The following NPHP4 variants were observed in gnomAD, a reference collection of about 807,000 sequenced individuals.
The protein encoded by NPHP4 is nephrocystin-4.
In NPHP4, 151 loss-of-function variants were observed where a neutral mutation model predicts 155.8. That is an observed-to-expected ratio of 0.97 (90% CI 0.85 to 1.11). NPHP4 has a LOEUF of 1.11. Among genes scored for constraint, NPHP4 ranks in the 50% least tolerant of loss-of-function variants. NPHP4 has a pLI of 0.00. For synonymous variants in NPHP4, 845 were observed against 816.8 expected (o/e 1.03, Z -0.59); for missense variants, 1,956 against 1,925.7 (o/e 1.02, Z -0.29).
At chr1:5,888,605 A>G (rs1171461575) in intron 17 of NPHP4, 3 of 1,350,682 alleles carry the variant, frequency 2.2e-6, no homozygotes, top group Non-Finnish European at 2.9e-6. Flanking sequence ...AGATATGAGA[A>G]GTCTCCTTTA....
chr1:5,941,888 C>T (rs188898579), intron 9 of NPHP4, among the ~76,000 whole-genome samples: 294 of 152,304 alleles, frequency 1.9e-3, no homozygotes, highest in Non-Finnish European at 3.1e-3. Context: ...GCCATGCCAG[C>T]TGCAGGTCTG....
intron 2 of NPHP4, among the ~76,000 whole-genome samples, chr1:5,981,179 C>T (rs1654626827): frequency 6.6e-6 from 1 of 152,196 alleles, no homozygotes; most frequent in Non-Finnish European, 1.5e-5. Flanking sequence ...TCCTCTCCTG[C>T]ACTCTCAGGA....
Position 5,927,746 on chromosome 1 carries a change from C to A in NPHP4, c.1344G>T (p.Ser448=). ...VESGTLRFQF[S]LGSEEHLDAP... ...CATCCAGGTGTTCTTCTGAGCCCAG[C>A]GAGAACTGGAACCGGAGTGTACCCG... Residue 448 remains serine (S), a synonymous_variant, in exon 11 of 30, where the codon TCG becomes TCT. Coordinates refer to ENST00000378156, the MANE Select transcript of NPHP4 (RefSeq NM_015102.5). 1.2e-6 allele frequency: 2 copies of A among 1,613,326 alleles called. No homozygotes were observed. The highest frequency in any genetic ancestry group is 1.7e-6 in the Non-Finnish European group (2 of 1,179,434).
chr1:5,947,795 G>C (rs1209626982), intron 8 of NPHP4, among the ~76,000 whole-genome samples: 1 of 152,140 alleles, frequency 6.6e-6, no homozygotes, highest in African/African-American at 2.4e-5. Context: ...AAGGCAGCAT[G>C]CAAGGCCTCC....
Position 5,863,631 on chromosome 1 carries a change from C to T in NPHP4, c.4141-226G>A, listed in dbSNP as rs1395427365. 2.7e-5 allele frequency: 17 copies of T among 622,072 alleles called. No homozygotes were observed. The Admixed American group carries it at 3.7e-4, about 13-fold the overall frequency. The allele number at this position is 622,072 out of a possible 1,614,324, so 38.5% of individuals were successfully genotyped here. ...TTGGACTCGAAGGCACACTTATTTCCGAGACTGAGCTGTCTAACATTACCA... is the reference window on the plus strand; with the variant it reads ...TTGGACTCGAAGGCACACTTATTTCTGAGACTGAGCTGTCTAACATTACCA... On this transcript the variant is annotated intron_variant, in intron 29 of 29. Coordinates refer to ENST00000378156, the MANE Select transcript of NPHP4 (RefSeq NM_015102.5).
rs1448672015 is a variant in NPHP4 at position 5,892,012 on chromosome 1, C to T, written c.2144-984G>A. On this transcript the variant is annotated intron_variant, in intron 16 of 29. Transcript: ENST00000378156. The surrounding 1 kb of genome is among the most constrained non-coding windows in gnomAD (Gnocchi z 4.5). ...GCAAGGACCCACTGCTCAGGCCCGG[C>T]GCTGGCCACAGCAGGAGCTCACGGG... is the stretch of plus-strand genomic sequence containing the variant. 1.3e-5 allele frequency among the ~76,000 whole-genome samples: 2 copies of T among 152,240 alleles called. No homozygotes were observed. Among genetic ancestry groups the T allele is most frequent in the Non-Finnish European group, 2.9e-5 (2 of 68,050 alleles).
intron 3 of NPHP4, among the ~76,000 whole-genome samples, chr1:5,974,901 A>G (rs1264601709): frequency 6.6e-6 from 1 of 152,174 alleles, no homozygotes; most frequent in Non-Finnish European, 1.5e-5. Context: ...GTCCCCTGCT[A>G]CCGGCAGCTC....
intron 11 of NPHP4, among the ~76,000 whole-genome samples, chr1:5,925,436 CAT>C (rs944144878): frequency 6.6e-6 from 1 of 152,160 alleles, no homozygotes; most frequent in African/African-American, 2.4e-5. Flanking sequence ...TAACTCTAAT[CAT>C]GTTTGTATTT....
At chr1:5,960,247 C>A (rs564697421) in intron 6 of NPHP4, among the ~76,000 whole-genome samples, 1 of 152,322 alleles carries the variant, frequency 6.6e-6, no homozygotes, top group African/African-American at 2.4e-5. Context: ...CCCACGCTTG[C>A]TCTTGTTCAG....
At chr1:5,922,090 C>A (rs1056146563) in intron 11 of NPHP4, among the ~76,000 whole-genome samples, 1 of 152,214 alleles carries the variant, frequency 6.6e-6, no homozygotes, top group Non-Finnish European at 1.5e-5. Flanking sequence ...GGCAGGGAGG[C>A]AGGAGGGTCA....
chr1:5,916,889 C>G (rs1645501223), intron 11 of NPHP4, among the ~76,000 whole-genome samples: 1 of 152,232 alleles, frequency 6.6e-6, no homozygotes, highest in African/African-American at 2.4e-5. Flanking sequence ...CTGCTTCTTA[C>G]CTGTCTTCGT....
rs1177022632 is a variant in NPHP4 at position 5,889,625 on chromosome 1, C to CTA, written c.2304+1242_2304+1243insTA. Reference sequence around the variant, plus strand: ...CCTCCCACACCGCCTGCCTCCTTTACGCCTCCCCACCATGCAGAGCCTGCT... The same window carrying CTA: ...CCTCCCACACCGCCTGCCTCCTTTACTAGCCTCCCCACCATGCAGAGCCTGCT... On this transcript the variant is annotated intron_variant, in intron 17 of 29. Coordinates refer to ENST00000378156, the MANE Select transcript of NPHP4 (RefSeq NM_015102.5). The surrounding 1 kb of genome is among the most constrained non-coding windows in gnomAD (Gnocchi z 4.2). Among the ~76,000 whole-genome samples, 2 of 152,208 alleles carry CTA rather than the reference C, an allele frequency of 1.3e-5. No homozygotes were observed. The highest frequency in any genetic ancestry group is 2.9e-5 in the Non-Finnish European group (2 of 68,026).
intron 2 of NPHP4, among the ~76,000 whole-genome samples, chr1:5,979,063 A>AGT (rs1339166942): frequency 6.7e-6 from 1 of 149,510 alleles, no homozygotes; most frequent in Non-Finnish European, 1.5e-5. Flanking sequence ...CGGCAGCCAG[A>AGT]GTGTAGACAG....
intron 27 of NPHP4, 68 bp from the exon 28 acceptor site, chr1:5,864,585 G>A (rs999117902): frequency 3.5e-5 from 48 of 1,379,954 alleles, no homozygotes; most frequent in Non-Finnish European, 3.9e-5. Context: ...GCTCCTGGGC[G>A]CCTGCAGCCC....
At position 5,948,785 on chromosome 1, in the gene NPHP4, T is replaced by C. The variant is rs1473647052; in HGVS notation, c.811-534A>G. Among the ~76,000 whole-genome samples the C allele has an allele frequency of 1.3e-4, 20 of 152,330 alleles. 1 individual carries two copies. Among genetic ancestry groups the C allele is most frequent in the Admixed American group, 1.3e-3 (20 of 15,308 alleles). ...GAGACTGGGTGTACAAAGGGAAACA[T>C]GTTTAGGCACTAAGTCATAAACCAA... On this transcript the variant is annotated intron_variant, in intron 7 of 29. Transcript: ENST00000378156.
chr1:5,985,999 T>G (rs1309167528), intron 2 of NPHP4, among the ~76,000 whole-genome samples, 156 bp downstream of exon 2: 1 of 152,088 alleles, frequency 6.6e-6, no homozygotes, highest in Non-Finnish European at 1.5e-5. Flanking sequence ...AAAACAGCAC[T>G]GAAAGTGAAA....
intron 23 of NPHP4, among the ~76,000 whole-genome samples, chr1:5,869,100 T>C (rs1336808384): frequency 8.6e-6 from 1 of 116,514 alleles, no homozygotes; most frequent in Non-Finnish European, 1.8e-5. Context: ...CATGCACACA[T>C]GCATGCACCC....
Position 5,986,140 on chromosome 1 carries a change from A to G in NPHP4, c.135+15T>C, listed in dbSNP as rs766470480. ...AGAGCAATAACACGCATTTGCTAAC[A>G]GCACATTTTGTTACCTGCCTAATTA... is the stretch of plus-strand genomic sequence containing the variant. On this transcript the variant is annotated intron_variant, in intron 2 of 29. Coordinates refer to ENST00000378156, the MANE Select transcript of NPHP4 (RefSeq NM_015102.5). 13 of 1,613,650 alleles carry G rather than the reference A, an allele frequency of 8.1e-6. No homozygotes were observed. In the South Asian group the frequency reaches 1.2e-4, roughly 15 times the overall value.
chr1:5,961,467 G>A (rs562860533), intron 6 of NPHP4, among the ~76,000 whole-genome samples: 1 of 152,322 alleles, frequency 6.6e-6, no homozygotes, highest in Admixed American at 6.5e-5. Context: ...TCACTGATAT[G>A]ATGCCACATG....
Sources: gnomAD v4.1 joint callset for allele counts (sites outside exome capture counted in the v4.1 genomes callset) on GRCh38, gnomAD v4.1.1 for gene constraint, Gnocchi (gnomAD v3.1) non-coding constraint, MANE v1.5 for transcripts, NCBI Gene and HGNC (gene_info 2026-07-23, HGNC 2026-07-21) for gene names.